Variants in TMEM132D observed in about 807,000 individuals in gnomAD.
The protein encoded by TMEM132D is transmembrane protein 132D, also known as mature OL transmembrane protein.
TMEM132D carries 21 observed loss-of-function variants against 62.3 expected under a neutral mutation model. That is an observed-to-expected ratio of 0.34 (90% confidence interval 0.24 to 0.49). The LOEUF is 0.49. Ranked by LOEUF, TMEM132D falls within the 20% of genes least tolerant of loss-of-function variation. TMEM132D has a pLI of 0.99. For missense variants in TMEM132D, 1,346 were observed against 1,402.8 expected (o/e 0.96, Z 0.65); for synonymous variants, 621 against 575.6 (o/e 1.08, Z -1.13).
chr12:129,862,096 A>G (rs556836994), intron 1 of TMEM132D, among the ~76,000 whole-genome samples: 1 of 152,332 alleles, frequency 6.6e-6, no homozygotes, highest in Admixed American at 6.5e-5. Context: ...CTGAGTCATG[A>G]TAAAGCTGCT....
At chr12:129,144,809 C>A (rs1266163914) in intron 5 of TMEM132D, among the ~76,000 whole-genome samples, 2 of 152,152 alleles carry the variant, frequency 1.3e-5, no homozygotes, top group Non-Finnish European at 2.9e-5. Flanking sequence ...CACCTATCAT[C>A]TATCTATCCA....
chr12:129,103,438 C>T lies in TMEM132D; in HGVS notation c.1444-18736G>A, dbSNP rs970452620. Among the ~76,000 whole-genome samples, 4 of 152,326 alleles carry T rather than the reference C, an allele frequency of 2.6e-5. No individual in the cohort carries two copies. The Middle Eastern group carries it at 0.01, about 389-fold the overall frequency. On this transcript the variant is annotated intron_variant, in intron 5 of 8. Coordinates refer to ENST00000422113, the MANE Select transcript of TMEM132D (RefSeq NM_133448.3). The stretch of plus-strand genomic sequence containing the variant: ...CCACGCCCAGATTTGGAGGAGCCAG[C>T]AACAGCTGAGCAGCAAGCTCTCCTT...
intron 2 of TMEM132D, among the ~76,000 whole-genome samples, chr12:129,691,416 T>C (rs887685451): frequency 6.6e-6 from 1 of 151,790 alleles, no homozygotes; most frequent in Non-Finnish European, 1.5e-5. Flanking sequence ...AAAATATCAA[T>C]AAAATTGATA....
intron 4 of TMEM132D, among the ~76,000 whole-genome samples, chr12:129,273,193 T>C (rs1880904116): frequency 6.6e-6 from 1 of 150,898 alleles, no homozygotes; most frequent in African/African-American, 2.5e-5. Flanking sequence ...GAGATTCTGT[T>C]TCCAAACAAA....
intron 3 of TMEM132D, among the ~76,000 whole-genome samples, chr12:129,492,339 A>G (rs78859078): frequency 6.6e-6 from 1 of 152,210 alleles, no homozygotes; most frequent in Admixed American, 6.5e-5. Flanking sequence ...TTAAGAAAAC[A>G]TGAGAGAGAT....
At chr12:129,670,846 C>T (rs552759393) in intron 2 of TMEM132D, among the ~76,000 whole-genome samples, 62 of 152,158 alleles carry the variant, frequency 4.1e-4, no homozygotes, top group Non-Finnish European at 6.9e-4. Context: ...AAGTCCTCCT[C>T]AAAGTACCAC....
rs375739410 is a variant in TMEM132D, at chr12:129,328,418, T to G, written c.1299+9216A>C. Among the ~76,000 whole-genome samples the G allele has an allele frequency of 6.6e-5, 10 of 152,318 alleles. No individual in the cohort carries two copies. In the East Asian group the frequency reaches 1.3e-3, roughly 21 times the overall value. ...TATTTGTTCACTGATAGCAACTGGTTGTACAACAGCTAGGGCTGTAATAAC... is the reference window on the plus strand; with the variant it reads ...TATTTGTTCACTGATAGCAACTGGTGGTACAACAGCTAGGGCTGTAATAAC... On this transcript the variant is annotated intron_variant, in intron 4 of 8. Coordinates refer to ENST00000422113, the MANE Select transcript of TMEM132D (RefSeq NM_133448.3).
intron 3 of TMEM132D, among the ~76,000 whole-genome samples, chr12:129,493,715 A>G (rs1416653319): frequency 1.3e-5 from 2 of 152,180 alleles, no homozygotes; most frequent in African/African-American, 4.8e-5. Context: ...TCCTCACCAC[A>G]TGCAGGAGGA....
At chr12:129,818,409 G>T (rs1462417075) in intron 1 of TMEM132D, among the ~76,000 whole-genome samples, 1 of 143,752 alleles carries the variant, frequency 7.0e-6, no homozygotes, top group Non-Finnish European at 1.5e-5. Context: ...GTGTGTGTGG[G>T]GTTTTAAGTG....
chr12:129,469,517 G>A (rs1874030466), intron 3 of TMEM132D, among the ~76,000 whole-genome samples: 1 of 152,124 alleles, frequency 6.6e-6, no homozygotes, highest in African/African-American at 2.4e-5. Context: ...GGGTAACTGA[G>A]AATTTTAAAA....
chr12:129,847,481 C>A (rs1232126673), intron 1 of TMEM132D, among the ~76,000 whole-genome samples: 1 of 152,178 alleles, frequency 6.6e-6, no homozygotes, highest in Non-Finnish European at 1.5e-5. Context: ...CAATTTTAGT[C>A]TTCCCAGGTC....
At chr12:129,227,187 G>A (rs1323090409) in intron 4 of TMEM132D, among the ~76,000 whole-genome samples, 3 of 151,476 alleles carry the variant, frequency 2.0e-5, no homozygotes, top group South Asian at 2.1e-4. Flanking sequence ...CAAGCATGTG[G>A]CCAAATATGG....
At chr12:129,112,603 C>A (rs969888000) in intron 5 of TMEM132D, among the ~76,000 whole-genome samples, 3 of 152,156 alleles carry the variant, frequency 2.0e-5, no homozygotes, top group Non-Finnish European at 4.4e-5. Flanking sequence ...GCAGAGGTTG[C>A]GGTGAGCCAA....
chr12:129,457,833 A>C (rs1413174575), intron 3 of TMEM132D, among the ~76,000 whole-genome samples: 1 of 152,144 alleles, frequency 6.6e-6, no homozygotes, highest in African/African-American at 2.4e-5. Context: ...CGGATGTCTG[A>C]TCCCATGATT....
intron 2 of TMEM132D, among the ~76,000 whole-genome samples, chr12:129,625,997 C>A (rs934676571): frequency 6.6e-6 from 1 of 151,918 alleles, no homozygotes; most frequent in Non-Finnish European, 1.5e-5. Context: ...AGGTGGCATA[C>A]GGCTATTAGA....
At chr12:129,800,333 T>C (rs764101829) in intron 1 of TMEM132D, among the ~76,000 whole-genome samples, 2 of 147,488 alleles carry the variant, frequency 1.4e-5, no homozygotes, top group African/African-American at 5.0e-5. Flanking sequence ...GGGCAGAGAG[T>C]GTCAAAAGGA....
intron 1 of TMEM132D, among the ~76,000 whole-genome samples, chr12:129,783,189 C>T (rs2137292432): frequency 6.6e-6 from 1 of 152,286 alleles, no homozygotes; most frequent in Non-Finnish European, 1.5e-5. Flanking sequence ...TTTACATGCA[C>T]AGATCTCTTT....
At chr12:129,823,535 G>A (rs370425841) in intron 1 of TMEM132D, among the ~76,000 whole-genome samples, 25 of 152,352 alleles carry the variant, frequency 1.6e-4, no homozygotes, top group East Asian at 1.5e-3. Flanking sequence ...TAAGGAGAGC[G>A]GGCTCAGGCC....
chr12:129,312,569 GTTTTGTT>G (rs988038251), intron 4 of TMEM132D, among the ~76,000 whole-genome samples: 2 of 152,044 alleles, frequency 1.3e-5, no homozygotes, highest in Non-Finnish European at 2.9e-5. Flanking sequence ...TTGTTTGTTT[GTTTTGTT>G]TTTTGTTTTT....
Sources: allele counts gnomAD v4.1 joint callset (sites outside exome capture counted in the v4.1 genomes callset), GRCh38; gene constraint gnomAD v4.1.1; transcripts MANE v1.5; gene names NCBI Gene and HGNC (gene_info 2026-07-23, HGNC 2026-07-21).